The following RYR3 variants were observed in gnomAD, a reference collection of about 807,000 sequenced individuals.
RYR3 encodes the protein brain ryanodine receptor-calcium release channel.
A neutral mutation model predicts 584.3 loss-of-function variants in RYR3; 207 were observed. The ratio of observed to expected loss-of-function variants is 0.35; its 90% CI spans 0.32 to 0.40. The LOEUF (loss-of-function observed/expected upper bound fraction) is 0.40. Among genes scored for constraint, RYR3 ranks in the 10% least tolerant of loss-of-function variants. RYR3 has a pLI of 1.00. For synonymous variants in RYR3, 2,416 were observed against 2,248.5 expected, an observed-to-expected ratio of 1.07 and a Z score of -2.11; for missense variants, 5,616 against 6,089.2, an observed-to-expected ratio of 0.92 and a Z score of 2.59.
At chr15:33,370,911 T>C (rs763495192) in intron 1 of RYR3, among the ~76,000 whole-genome samples, 6 of 152,284 alleles carry the variant, frequency 3.9e-5, no homozygotes, top group South Asian at 2.1e-4. Flanking sequence ...TAAGGAGATA[T>C]AGACACAAGA....
In RYR3 at chr15:33,861,034, A is replaced by G. The variant is rs553598694; in HGVS notation, c.14365-44A>G. The G allele has an allele frequency of 1.2e-4, 163 of 1,379,754 alleles. 3 individuals carry two copies. The South Asian group carries it at 2.0e-3, about 17-fold the overall frequency. 85.5% of individuals were successfully genotyped at this position (1,379,754 alleles called of 1,614,324 possible). A position where few individuals can be genotyped will look rare whatever the true frequency, so the allele number is the denominator to read the frequency against. ...ATCATGACAGTTTTCTCTCCTGCCTATATTATGCCAACAAATGCCTTTTCT... is the reference window on the plus strand; with the variant it reads ...ATCATGACAGTTTTCTCTCCTGCCTGTATTATGCCAACAAATGCCTTTTCT... On this transcript the variant is annotated intron_variant, in intron 101 of 103. Transcript: ENST00000634891.
At chr15:33,447,388 T>C (rs189392953) in intron 1 of RYR3, among the ~76,000 whole-genome samples, 327 of 152,324 alleles carry the variant, frequency 2.1e-3, no homozygotes, top group African/African-American at 7.7e-3. Context: ...CTGGACATTC[T>C]GTTAATGGTA....
intron 67 of RYR3, among the ~76,000 whole-genome samples, chr15:33,794,318 T>TATAAAA (rs1555460331): frequency 1.1e-5 from 1 of 93,608 alleles, no homozygotes; most frequent in African/African-American, 3.1e-5. Context: ...TTTATATATA[T>TATAAAA]ATATTTTTAT....
intron 55 of RYR3, among the ~76,000 whole-genome samples, chr15:33,749,373 A>C (rs1451120738): frequency 6.6e-6 from 1 of 152,154 alleles, no homozygotes; most frequent in Non-Finnish European, 1.5e-5. Context: ...CCTCCTGTAC[A>C]CACTGGTGGC....
At chr15:33,850,004 C>T (rs1405142186) in intron 94 of RYR3, 1 of 152,070 alleles carries the variant, frequency 6.6e-6, no homozygotes, top group African/African-American at 2.4e-5. Flanking sequence ...TAGTTTAATC[C>T]TTTGGTAAGC....
chr15:33,463,007 C>A (rs572856065), intron 1 of RYR3, among the ~76,000 whole-genome samples: 9 of 151,830 alleles, frequency 5.9e-5, no homozygotes, highest in African/African-American at 2.2e-4. Flanking sequence ...CCCGTCTCTA[C>A]AAAAAAACAC....
At chr15:33,836,721 A>G (rs1329698534) in intron 87 of RYR3, among the ~76,000 whole-genome samples, 185 bp from the exon 88 acceptor site, 1 of 152,240 alleles carries the variant, frequency 6.6e-6, no homozygotes, top group Non-Finnish European at 1.5e-5. Context: ...GTCCTGCTAC[A>G]GTGAGTCTCC....
intron 1 of RYR3, among the ~76,000 whole-genome samples, chr15:33,472,820 C>T (rs533075902): frequency 1.3e-5 from 2 of 152,278 alleles, no homozygotes; most frequent in African/African-American, 4.8e-5. Context: ...CCTCCTCTTA[C>T]CTGATCTTCA....
chr15:33,779,966 G>A (rs1034037427), intron 64 of RYR3, among the ~76,000 whole-genome samples: 8 of 152,044 alleles, frequency 5.3e-5, no homozygotes, highest in East Asian at 1.9e-4. Context: ...AGCTGATATC[G>A]CGCCACTGCA....
In RYR3 at chr15:33,701,053, G is replaced by C. The variant is rs1413101654; in HGVS notation, c.6456G>C (p.Leu2152=). 9 of 1,613,006 alleles carry C rather than the reference G, an allele frequency of 5.6e-6. No homozygotes were observed. Among genetic ancestry groups the C allele is most frequent in the Admixed American group, 3.3e-5 (2 of 59,956 alleles). The change falls in exon 42 of 104, where the codon CTG becomes CTC. Residue 2152 remains leucine, a synonymous_variant. Coordinates refer to ENST00000634891, the MANE Select transcript of RYR3 (RefSeq NM_001036.6). ...SSVMDNNELA[L]SLEEPDLEKV... is the part of the protein sequence containing the mutation. The stretch of plus-strand genomic sequence containing the variant: ...TGATGGACAACAATGAGTTAGCGCT[G>C]AGCTTAGAGGAACCAGACCTCGAGA...
chr15:33,810,372 A>G, intron 70 of RYR3, 107 bp from the exon 71 acceptor site: 2 of 1,093,798 alleles, frequency 1.8e-6, no homozygotes, highest in South Asian at 3.0e-5. Context: ...AGTAAGGCCC[A>G]CCCTATACTG....
At chr15:33,442,396 G>T (rs2046301796) in intron 1 of RYR3, among the ~76,000 whole-genome samples, 1 of 152,078 alleles carries the variant, frequency 6.6e-6, no homozygotes, top group African/African-American at 2.4e-5. Flanking sequence ...TTTTTATTTT[G>T]ATTAATATTA....
intron 1 of RYR3, among the ~76,000 whole-genome samples, chr15:33,333,586 A>G (rs1970618934): frequency 6.6e-6 from 1 of 152,198 alleles, no homozygotes; most frequent in African/African-American, 2.4e-5. Context: ...CACAGCCAAC[A>G]TCATACTGAA....
chr15:33,434,552 G>GT lies in RYR3; in HGVS notation c.52-38866dup, dbSNP rs77341759. On this transcript the variant is annotated intron_variant, in intron 1 of 103. Coordinates refer to ENST00000634891, the MANE Select transcript of RYR3 (RefSeq NM_001036.6). ...TTTGAAAGTAGAGTTGGAAGCCTTG[G>GT]TAACTTGATGAAATATTTTATGCAA... is the stretch of plus-strand genomic sequence containing the variant. 7.0e-3 allele frequency among the ~76,000 whole-genome samples: 1,072 copies of GT among 152,086 alleles called. 5 individuals carry two copies. Among genetic ancestry groups the GT allele is most frequent in the East Asian group, 0.031 (162 of 5,172 alleles).
chr15:33,572,712 C>T (rs1439610807), intron 12 of RYR3, among the ~76,000 whole-genome samples: 3 of 149,620 alleles, frequency 2.0e-5, no homozygotes, highest in Non-Finnish European at 3.0e-5. Flanking sequence ...CAATGGCTCA[C>T]GCCTGTAATC....
intron 81 of RYR3, among the ~76,000 whole-genome samples, chr15:33,824,799 A>G (rs950935426): frequency 6.6e-6 from 1 of 152,222 alleles, no homozygotes; most frequent in Non-Finnish European, 1.5e-5. Context: ...CCTAAGAGCT[A>G]TGTTCTATGT....
At position 33,646,368 on chromosome 15, in the gene RYR3, C is replaced by A; in HGVS notation, c.3783C>A (p.Gly1261=). 1 of 1,608,734 alleles carries A rather than the reference C, an allele frequency of 6.2e-7. No homozygotes were observed. Among genetic ancestry groups the A allele is most frequent in the South Asian group, 1.1e-5 (1 of 90,302 alleles). Residue 1261 remains glycine (G), a synonymous_variant, in exon 29 of 104, where the codon GGC becomes GGA. Transcript: ENST00000634891. ...GTTTCCAGGTCATGAGGATTGATGG[C>A]ACCATGGACAGCCCTCCGTGTCTCA... ...HPHIEVMRID[G]TMDSPPCLKV...
intron 40 of RYR3, among the ~76,000 whole-genome samples, chr15:33,699,338 C>T (rs1169601291): frequency 1.4e-5 from 2 of 142,210 alleles, no homozygotes; most frequent in Non-Finnish European, 3.0e-5. Context: ...CACTTTCTCT[C>T]CTCTCTGTCT....
chr15:33,550,321 G>T lies in RYR3; in HGVS notation c.972+5G>T, dbSNP rs778920602. ...TTCTCTTTCCGGGCATCAAAGGTAA[G>T]GTGTGATAAAGTGGACTTTGACCCT... On this transcript the variant is annotated splice_donor_5th_base_variant and intron_variant, in intron 10 of 103. Coordinates refer to ENST00000634891, the MANE Select transcript of RYR3 (RefSeq NM_001036.6). 20 of 1,611,198 alleles carry T rather than the reference G, an allele frequency of 1.2e-5. No individual in the cohort carries two copies. Among genetic ancestry groups the T allele is most frequent in the Non-Finnish European group, 1.6e-5 (19 of 1,178,702 alleles).
Sources: allele counts gnomAD v4.1 joint callset (sites outside exome capture counted in the v4.1 genomes callset), GRCh38; gene constraint gnomAD v4.1.1; transcripts MANE v1.5; gene names NCBI Gene and HGNC (gene_info 2026-07-23, HGNC 2026-07-21).